ATP8B4: variants seen among roughly 807,000 people sequenced by gnomAD.
The protein encoded by ATP8B4 is ATPase phospholipid transporting 8B4 (putative), also known as probable phospholipid-transporting ATPase IM.
In ATP8B4, 133 loss-of-function variants were observed where a neutral mutation model predicts 145.6. The ratio of observed to expected loss-of-function variants is 0.91; its 90% CI spans 0.79 to 1.05. The LOEUF (loss-of-function observed/expected upper bound fraction) is 1.05, where lower values mean the gene tolerates loss of function less well. ATP8B4 is among the 50% of genes least tolerant of loss of function. ATP8B4 has a pLI of 0.00. For synonymous variants in ATP8B4, 507 were observed against 492.9 expected (o/e 1.03, Z -0.38); for missense variants, 1,458 against 1,425.2 (o/e 1.02, Z -0.37).
chr15:50,145,185 A>G (rs2044261326), intron 1 of ATP8B4, among the ~76,000 whole-genome samples: 1 of 152,224 alleles, frequency 6.6e-6, no homozygotes, highest in Admixed American at 6.5e-5. Flanking sequence ...ATAAAACAAA[A>G]TTGAACAAAA....
chr15:49,971,664 A>C (rs760503297), intron 13 of ATP8B4, among the ~76,000 whole-genome samples: 8 of 152,242 alleles, frequency 5.3e-5, no homozygotes, highest in Non-Finnish European at 8.8e-5. Context: ...ACACTTTTAC[A>C]CTGTTGGTGG....
At chr15:49,882,953 G>A (rs565590945) in intron 23 of ATP8B4, among the ~76,000 whole-genome samples, 2 of 152,056 alleles carry the variant, frequency 1.3e-5, no homozygotes, top group Non-Finnish European at 2.9e-5. Flanking sequence ...AATTAAACAC[G>A]TGACCTTCTT....
intron 1 of ATP8B4, among the ~76,000 whole-genome samples, chr15:50,171,265 C>A (rs982960238): frequency 2.6e-5 from 4 of 152,180 alleles, no homozygotes; most frequent in Admixed American, 2.0e-4. Flanking sequence ...CTCTATTCAA[C>A]AGCACAAGGA....
intron 5 of ATP8B4, among the ~76,000 whole-genome samples, chr15:50,043,846 G>A (rs1250553814): frequency 2.0e-5 from 3 of 151,588 alleles, no homozygotes; most frequent in Admixed American, 6.6e-5. Context: ...CCAGCTACTC[G>A]GGAGGCTGAG....
At position 50,057,293 on chromosome 15, in the gene ATP8B4, A is replaced by G. The variant is rs920124208; in HGVS notation, c.88-9829T>C. 2.0e-5 allele frequency among the ~76,000 whole-genome samples: 3 copies of G among 152,206 alleles called. 1 individual carries two copies. Among genetic ancestry groups the G allele is most frequent in the Admixed American group, 1.3e-4 (2 of 15,280 alleles). ...TCTCAGGCAGTCCTTAAAAAATCCAATGAGCTGTGACTATTTCAGCACCAT... is the reference window on the plus strand; with the variant it reads ...TCTCAGGCAGTCCTTAAAAAATCCAGTGAGCTGTGACTATTTCAGCACCAT... On this transcript the variant is annotated intron_variant, in intron 3 of 27. Transcript: ENST00000284509.
At chr15:49,953,718 G>A (rs965943071) in intron 14 of ATP8B4, among the ~76,000 whole-genome samples, 1 of 152,232 alleles carries the variant, frequency 6.6e-6, no homozygotes, top group African/African-American at 2.4e-5. Context: ...GCAGCAGCCA[G>A]TGGTGGTCAC....
chr15:49,994,588 A>G (rs1174859124), intron 9 of ATP8B4, among the ~76,000 whole-genome samples: 1 of 152,018 alleles, frequency 6.6e-6, no homozygotes, highest in Non-Finnish European at 1.5e-5. Context: ...AAAATAAATG[A>G]ATTATCCAGT....
At chr15:50,029,000 C>T (rs185115132) in intron 6 of ATP8B4, among the ~76,000 whole-genome samples, 97 of 151,990 alleles carry the variant, frequency 6.4e-4, no homozygotes, top group African/African-American at 2.3e-3. Flanking sequence ...TTTGGGAGGC[C>T]GAGGCAGGCG....
At chr15:50,085,668 A>ATATATATAGATCTATATTT (rs1555484108) in intron 2 of ATP8B4, among the ~76,000 whole-genome samples, 1 of 151,416 alleles carries the variant, frequency 6.6e-6, no homozygotes, top group Non-Finnish European at 1.5e-5. Context: ...AAACGTGTAA[A>ATATATATAGATCTATATTT]ATTATATGTG....
chr15:49,898,099 A>G lies in ATP8B4; in HGVS notation c.2442T>C (p.Gly814=), dbSNP rs370283733. The G allele has an allele frequency of 2.5e-6, 4 of 1,613,842 alleles. No homozygotes were observed. The highest frequency in any genetic ancestry group is 1.7e-4 in the Middle Eastern group (1 of 6,056). Residue 814 remains glycine (G), a synonymous_variant, in exon 22 of 28, where the codon GGT becomes GGC. Transcript: ENST00000284509. Reference sequence around the variant, plus strand: ...TCATGCTGACATCATTGGCTCCATCACCAATGGCCAAAGTAACAGCATTTC... The same window carrying G: ...TCATGCTGACATCATTGGCTCCATCGCCAATGGCCAAAGTAACAGCATTTC... ...KYRNAVTLAI[G]DGANDVSMIK...
chr15:49,983,864 T>C (rs991751111), intron 10 of ATP8B4, among the ~76,000 whole-genome samples: 2 of 152,190 alleles, frequency 1.3e-5, no homozygotes, highest in East Asian at 3.9e-4. Context: ...CTCACTTTCC[T>C]TACTCCTGCC....
chr15:50,159,937 T>C (rs1445760582), intron 1 of ATP8B4, among the ~76,000 whole-genome samples: 1 of 151,942 alleles, frequency 6.6e-6, no homozygotes, highest in African/African-American at 2.4e-5. Flanking sequence ...CCTTCTCCTC[T>C]ATTTTTTGGA....
intron 7 of ATP8B4, among the ~76,000 whole-genome samples, chr15:50,005,475 T>C (rs367751220): frequency 2.0e-5 from 3 of 152,256 alleles, no homozygotes. Context: ...ACCCTGTGAG[T>C]GAGTAGTATT....
At chr15:50,073,613 G>T (rs1017124581) in intron 3 of ATP8B4, among the ~76,000 whole-genome samples, 3 of 152,190 alleles carry the variant, frequency 2.0e-5, no homozygotes, top group Non-Finnish European at 4.4e-5. Flanking sequence ...CCAGTAATGG[G>T]ATTGCTGGGT....
intron 1 of ATP8B4, among the ~76,000 whole-genome samples, chr15:50,139,387 G>A (rs561459375): frequency 3.3e-5 from 5 of 152,188 alleles, no homozygotes; most frequent in African/African-American, 1.2e-4. Flanking sequence ...GTTGAAAAAG[G>A]AGAATACATG....
At chr15:50,156,349 T>G (rs1234399863) in intron 1 of ATP8B4, among the ~76,000 whole-genome samples, 17 of 151,948 alleles carry the variant, frequency 1.1e-4, no homozygotes, top group Admixed American at 1.0e-3. Context: ...CTTTAAAACT[T>G]CAATCCTTCA....
At chr15:49,963,386 A>G (rs149206320) in intron 13 of ATP8B4, among the ~76,000 whole-genome samples, 2 of 152,320 alleles carry the variant, frequency 1.3e-5, no homozygotes, top group African/African-American at 4.8e-5. Context: ...CAGAAATAAC[A>G]TTAGATCCAG....
chr15:50,179,514 T>C (rs561857343), intron 1 of ATP8B4, among the ~76,000 whole-genome samples: 2 of 152,184 alleles, frequency 1.3e-5, no homozygotes, highest in African/African-American at 4.8e-5. Flanking sequence ...AGATATAAGA[T>C]GGCAGCAATA....
At chr15:50,171,457 T>C (rs946085075) in intron 1 of ATP8B4, among the ~76,000 whole-genome samples, 8 of 152,170 alleles carry the variant, frequency 5.3e-5, no homozygotes, top group Non-Finnish European at 1.5e-5. Context: ...CTGAATGAGC[T>C]TTGGGTAAAA....
Sources: allele counts gnomAD v4.1 joint callset (sites outside exome capture counted in the v4.1 genomes callset), GRCh38; gene constraint gnomAD v4.1.1; transcripts MANE v1.5; gene names NCBI Gene and HGNC (gene_info 2026-07-23, HGNC 2026-07-21).